Variants in BMP5 observed in about 807,000 individuals in gnomAD.
The protein encoded by BMP5 is bone morphogenetic protein 5.
Under a neutral mutation model 46.6 loss-of-function variants are expected in BMP5, and 23 were observed. That is an observed-to-expected ratio of 0.49 (90% CI 0.35 to 0.70). The LOEUF is 0.70. Among genes scored for constraint, BMP5 ranks in the 30% least tolerant of loss-of-function variants. The probability of loss-of-function intolerance (pLI) is 0.00; values close to 1 mark genes in which losing one functional copy is unlikely to be tolerated. For missense variants in BMP5, 545 were observed against 565.6 expected (o/e 0.96, Z 0.37); for synonymous variants, 204 against 191.9 (o/e 1.06, Z -0.52).
In BMP5 at chr6:55,853,339, G is replaced by A. The variant is rs1282685871; in HGVS notation, c.490+21037C>T. Among the ~76,000 whole-genome samples, 126 of 90,166 alleles carry A rather than the reference G, an allele frequency of 1.4e-3. 4 individuals are homozygous for A. Among genetic ancestry groups the A allele is most frequent in the Non-Finnish European group, 5.2e-4 (24 of 46,104 alleles). The allele number at this position is 90,166 out of a possible 152,430, so 59.2% of individuals were successfully genotyped here. A position where few individuals can be genotyped will look rare whatever the true frequency, so the allele number is the denominator to read the frequency against. ...GTCTCTCTCCCCCTCCCCCTCCCCC[G>A]CTTTCTCTCTCTCTCTCTCTCTCTG... is the stretch of plus-strand genomic sequence containing the variant. On this transcript the variant is annotated intron_variant, in intron 1 of 6. Transcript: ENST00000370830.
At chr6:55,838,155 C>T (rs1776866702) in intron 1 of BMP5, among the ~76,000 whole-genome samples, 1 of 152,180 alleles carries the variant, frequency 6.6e-6, no homozygotes, top group Non-Finnish European at 1.5e-5. Context: ...TACTGATTTT[C>T]CCAGCAGTGG....
At chr6:55,866,256 G>C (rs537717331) in intron 1 of BMP5, among the ~76,000 whole-genome samples, 2 of 152,152 alleles carry the variant, frequency 1.3e-5, no homozygotes, top group Admixed American at 1.3e-4. Flanking sequence ...AGGGCAGGGA[G>C]TGGCTCTGGC....
chr6:55,805,531 C>G (rs1297232353), intron 2 of BMP5, among the ~76,000 whole-genome samples: 1 of 151,616 alleles, frequency 6.6e-6, no homozygotes, highest in Non-Finnish European at 1.5e-5. Flanking sequence ...GAGTTAGTTC[C>G]ACGTCTTTGC....
At chr6:55,853,410 C>T (rs1200053295) in intron 1 of BMP5, among the ~76,000 whole-genome samples, 2 of 149,024 alleles carry the variant, frequency 1.3e-5, no homozygotes, top group Non-Finnish European at 3.0e-5. Context: ...TATTGCATGC[C>T]ATTAATCTCC....
intron 3 of BMP5, among the ~76,000 whole-genome samples, chr6:55,783,031 A>G (rs184660113): frequency 6.6e-6 from 1 of 152,232 alleles, no homozygotes; most frequent in East Asian, 1.9e-4. Flanking sequence ...AGAATGGAGG[A>G]AAAATAGCCT....
chr6:55,834,306 C>A (rs1178014495), intron 1 of BMP5, among the ~76,000 whole-genome samples: 4 of 152,108 alleles, frequency 2.6e-5, no homozygotes, highest in Non-Finnish European at 1.5e-5. Context: ...CTCCTTTAAT[C>A]CTGCTTTTCA....
At chr6:55,802,327 C>T (rs947178319) in intron 2 of BMP5, among the ~76,000 whole-genome samples, 2 of 152,120 alleles carry the variant, frequency 1.3e-5, no homozygotes, top group Non-Finnish European at 2.9e-5. Context: ...GGTTACTATA[C>T]CATGTGAATC....
At chr6:55,819,913 T>TA (rs1245548901) in intron 1 of BMP5, 66 bp from the exon 2 acceptor site, 1 of 1,333,074 alleles carries the variant, frequency 7.5e-7, no homozygotes, top group East Asian at 2.4e-5. Flanking sequence ...AAATTAATGA[T>TA]AAATTCTCCA....
chr6:55,758,987 T>C lies in BMP5; in HGVS notation c.1215+18A>G, dbSNP rs1349796133. 2 of 1,520,634 alleles carry C rather than the reference T, an allele frequency of 1.3e-6. No homozygotes were observed. Among genetic ancestry groups the C allele is most frequent in the South Asian group, 2.2e-5 (2 of 89,176 alleles). 94.2% of individuals were successfully genotyped at this position (1,520,634 alleles called of 1,614,324 possible). ...TTGCATTCTAAGCTTTTCTTAATCC[T>C]TCAAAAACAAAGCTTACCAGAGTCT... is the stretch of plus-strand genomic sequence containing the variant. On this transcript the variant is annotated intron_variant, in intron 6 of 6. Transcript: ENST00000370830.
chr6:55,873,191 T>G (rs1777824252), intron 1 of BMP5, among the ~76,000 whole-genome samples: 1 of 151,974 alleles, frequency 6.6e-6, no homozygotes, highest in African/African-American at 2.4e-5. Context: ...TATTAAGATT[T>G]GTTGATAATC....
intron 1 of BMP5, among the ~76,000 whole-genome samples, chr6:55,850,358 A>G (rs868201053): frequency 7.0e-5 from 5 of 71,782 alleles, no homozygotes; most frequent in South Asian, 4.1e-4. Flanking sequence ...AAGTAGGTAG[A>G]TAGATAGATA....
intron 3 of BMP5, among the ~76,000 whole-genome samples, chr6:55,777,843 G>A (rs1376105238): frequency 6.6e-6 from 1 of 151,156 alleles, no homozygotes. Context: ...TTTACCCAAA[G>A]TCTCTAAAAT....
chr6:55,797,386 A>G (rs765733437), intron 2 of BMP5, among the ~76,000 whole-genome samples: 32 of 152,220 alleles, frequency 2.1e-4, no homozygotes, highest in Non-Finnish European at 4.6e-4. Flanking sequence ...AATATCCAAT[A>G]AAAGAACATT....
intron 2 of BMP5, among the ~76,000 whole-genome samples, chr6:55,799,542 C>T (rs1169192490): frequency 6.6e-6 from 1 of 152,202 alleles, no homozygotes; most frequent in Non-Finnish European, 1.5e-5. Flanking sequence ...CAAAGCAACT[C>T]CATCTTGAAA....
At chr6:55,811,582 T>C (rs1776134989) in intron 2 of BMP5, among the ~76,000 whole-genome samples, 1 of 152,130 alleles carries the variant, frequency 6.6e-6, no homozygotes, top group African/African-American at 2.4e-5. Flanking sequence ...TTGAACTTTT[T>C]TATACACTTA....
intron 3 of BMP5, among the ~76,000 whole-genome samples, chr6:55,777,265 G>A (rs575765862): frequency 1.3e-5 from 2 of 151,484 alleles, no homozygotes; most frequent in African/African-American, 2.4e-5. Context: ...TACACCGTAT[G>A]TATTAAAAAA....
In BMP5 at chr6:55,844,072, C is replaced by T. The variant is rs370339699; in HGVS notation, c.491-24225G>A. On this transcript the variant is annotated intron_variant, in intron 1 of 6. Transcript: ENST00000370830. ...TTTATAATACAGGAAGGGTTGTTTT[C>T]AGTTTAATAAACTTTCCACCCACCC... is the stretch of plus-strand genomic sequence containing the variant. 5.3e-4 allele frequency among the ~76,000 whole-genome samples: 80 copies of T among 152,000 alleles called. No individual in the cohort carries two copies. In the South Asian group the frequency reaches 0.016, roughly 31 times the overall value.
chr6:55,848,363 C>A (rs1374869073), intron 1 of BMP5, among the ~76,000 whole-genome samples: 1 of 151,980 alleles, frequency 6.6e-6, no homozygotes, highest in Non-Finnish European at 1.5e-5. Context: ...GATTCCCTAT[C>A]TTTTCCATTT....
intron 1 of BMP5, among the ~76,000 whole-genome samples, chr6:55,820,753 C>T (rs1463780170): frequency 7.0e-6 from 1 of 143,722 alleles, no homozygotes; most frequent in African/African-American, 2.7e-5. Context: ...TGTTTGTTTG[C>T]TTTTAAAGCA....
Sources: allele counts gnomAD v4.1 joint callset (sites outside exome capture counted in the v4.1 genomes callset), GRCh38; gene constraint gnomAD v4.1.1; transcripts MANE v1.5; gene names NCBI Gene and HGNC (gene_info 2026-07-23, HGNC 2026-07-21).